LCORL: variants seen among roughly 807,000 people sequenced by gnomAD.
LCORL encodes the protein ligand dependent nuclear receptor corepressor like.
Under a neutral mutation model 141.8 loss-of-function variants are expected in LCORL, and 41 were observed. The ratio of observed to expected loss-of-function variants is 0.29; its 90% CI spans 0.23 to 0.38. LCORL has a LOEUF of 0.38. LCORL is among the 10% of genes least tolerant of loss of function. The pLI is 1.00. For missense variants in LCORL, 1,759 were observed against 2,035.0 expected (o/e 0.86, Z 2.61); for synonymous variants, 618 against 694.1 (o/e 0.89, Z 1.72).
chr4:17,968,619 A>C (rs1211132891), intron 2 of LCORL, among the ~76,000 whole-genome samples: 1 of 152,192 alleles, frequency 6.6e-6, no homozygotes, highest in Non-Finnish European at 1.5e-5. Flanking sequence ...TTTTCCATAA[A>C]CAGCCAAATA....
At chr4:17,869,263 T>C (rs1254247622) in intron 7 of LCORL, among the ~76,000 whole-genome samples, 1 of 152,134 alleles carries the variant, frequency 6.6e-6, no homozygotes, top group African/African-American at 2.4e-5. Context: ...AACCCCAGCT[T>C]AATCTAGCTA....
chr4:17,875,577 T>C, exon 7 of LCORL: 1 of 1,231,286 alleles, frequency 8.1e-7, no homozygotes, highest in East Asian at 3.2e-5. Flanking sequence ...TGTAATACTC[T>C]TTTTATAAAT....
At chr4:17,904,146 A>T (rs1731280028) in intron 5 of LCORL, among the ~76,000 whole-genome samples, 1 of 152,084 alleles carries the variant, frequency 6.6e-6, no homozygotes, top group Non-Finnish European at 1.5e-5. Context: ...ATTCACTCAG[A>T]GGCTGAATTA....
chr4:17,908,157 C>T (rs148381967), intron 5 of LCORL, among the ~76,000 whole-genome samples: 138 of 152,162 alleles, frequency 9.1e-4, no homozygotes, highest in African/African-American at 3.1e-3. Flanking sequence ...CTCAGCCTCT[C>T]GACTAGCTGG....
chr4:17,965,708 C>T (rs55775095), intron 2 of LCORL, among the ~76,000 whole-genome samples: 3 of 152,126 alleles, frequency 2.0e-5, no homozygotes, highest in Non-Finnish European at 4.4e-5. Flanking sequence ...ACTCATGTGG[C>T]CTCAGTCAGG....
chr4:17,932,896 T>C (rs531531976), intron 4 of LCORL, among the ~76,000 whole-genome samples: 3 of 152,318 alleles, frequency 2.0e-5, no homozygotes, highest in Middle Eastern at 3.4e-3. Flanking sequence ...ACAGTATTTC[T>C]TGAGTTCTTA....
intron 4 of LCORL, among the ~76,000 whole-genome samples, chr4:17,957,401 TAAAG>T (rs1326084454): frequency 2.6e-5 from 4 of 151,746 alleles, no homozygotes; most frequent in African/African-American, 9.7e-5. Context: ...ATTAGAGCAA[TAAAG>T]AAAGAGGAAC....
chr4:17,938,432 T>C (rs1416486796), intron 4 of LCORL, among the ~76,000 whole-genome samples: 2 of 150,948 alleles, frequency 1.3e-5, no homozygotes, highest in African/African-American at 4.9e-5. Context: ...TTTTTTTTTT[T>C]TGAGATGGAG....
exon 7 of LCORL, chr4:17,875,508 A>G (rs1577303264): frequency 8.1e-7 from 1 of 1,231,164 alleles, no homozygotes; most frequent in African/African-American, 1.6e-5. Context: ...GCTTATGTTT[A>G]CCCTTCCTTC....
chr4:17,982,634 A>G (rs1220847668), intron 1 of LCORL, among the ~76,000 whole-genome samples: 1 of 151,976 alleles, frequency 6.6e-6, no homozygotes, highest in Non-Finnish European at 1.5e-5. Context: ...TTTTTCTTGT[A>G]AATTTAAGTA....
chr4:17,915,326 T>C (rs1733224355), intron 4 of LCORL, among the ~76,000 whole-genome samples: 1 of 152,194 alleles, frequency 6.6e-6, no homozygotes, highest in African/African-American at 2.4e-5. Flanking sequence ...TCCTTGATTG[T>C]AGCCTCATGA....
Position 17,883,640 on chromosome 4 carries a change from A to G in LCORL, c.776+2428T>C, listed in dbSNP as rs545442585. The G allele has an allele frequency of 1.3e-5, 19 of 1,437,638 alleles. No individual in the cohort carries two copies. In the South Asian group the frequency reaches 2.6e-4, roughly 20 times the overall value. 89.1% of individuals were successfully genotyped at this position (1,437,638 alleles called of 1,614,324 possible). On this transcript the variant is annotated intron_variant, in intron 6 of 7. Coordinates refer to ENST00000635767, the Ensembl canonical transcript of LCORL. ...TTCCCACGTGTGTATATAGACACAC[A>G]AATACACACCTGTGCACATACACAC...
At chr4:17,936,507 A>G (rs1303939931) in intron 4 of LCORL, among the ~76,000 whole-genome samples, 1 of 152,194 alleles carries the variant, frequency 6.6e-6, no homozygotes, top group Non-Finnish European at 1.5e-5. Flanking sequence ...TCTCACCAAC[A>G]AAAACAATAA....
intron 7 of LCORL, among the ~76,000 whole-genome samples, chr4:17,847,691 T>A (rs1230887430): frequency 2.0e-5 from 3 of 152,144 alleles, no homozygotes; most frequent in Non-Finnish European, 2.9e-5. Context: ...TTAGAAAAAA[T>A]TTACATTATT....
At position 18,021,820 on chromosome 4, in the gene LCORL, T is replaced by A. The variant is rs1172898579; in HGVS notation, c.-69A>T. On this transcript the variant is annotated 5_prime_UTR_variant, in exon 1 of 8. Transcript: ENST00000635767. The surrounding 1 kb of genome is among the most constrained non-coding windows in gnomAD (Gnocchi z 5.5). The stretch of plus-strand genomic sequence containing the variant: ...AGGCACGAGGCAGGGGCGCGAGCCC[T>A]CGGCGCGAGCCCCGGAGCGCGCGCC... The A allele has an allele frequency of 7.7e-7, 1 of 1,301,738 alleles. No individual in the cohort carries two copies. Among genetic ancestry groups the A allele is most frequent in the Admixed American group, 3.5e-5 (1 of 28,300 alleles). 80.6% of individuals were successfully genotyped at this position (1,301,738 alleles called of 1,614,324 possible). A position where few individuals can be genotyped will look rare whatever the true frequency, so the allele number is the denominator to read the frequency against.
exon 7 of LCORL, chr4:17,873,895 T>G (rs1726640386): frequency 8.1e-7 from 1 of 1,234,070 alleles, no homozygotes; most frequent in East Asian, 3.2e-5. Flanking sequence ...TGGCTGCAAT[T>G]TGTTCCATTC....
intron 1 of LCORL, among the ~76,000 whole-genome samples, chr4:17,990,512 G>A (rs1184485978): frequency 2.0e-5 from 3 of 151,946 alleles, no homozygotes; most frequent in East Asian, 3.8e-4. Context: ...GTGAGGGAGT[G>A]GGGTGGGGTG....
intron 2 of LCORL, among the ~76,000 whole-genome samples, chr4:17,970,874 G>C (rs1715798228): frequency 6.6e-6 from 1 of 152,108 alleles, no homozygotes; most frequent in African/African-American, 2.4e-5. Context: ...ATACATATGA[G>C]AACCCAAATA....
intron 5 of LCORL, among the ~76,000 whole-genome samples, chr4:17,889,910 A>C (rs1015302639): frequency 6.6e-6 from 1 of 152,090 alleles, no homozygotes; most frequent in Non-Finnish European, 1.5e-5. Context: ...AACTCTTGGT[A>C]ACCTCTCCCA....
Sources: gnomAD v4.1 joint callset for allele counts (sites outside exome capture counted in the v4.1 genomes callset) on GRCh38, gnomAD v4.1.1 for gene constraint, Gnocchi (gnomAD v3.1) non-coding constraint, MANE v1.5 for transcripts, NCBI Gene and HGNC (gene_info 2026-07-23, HGNC 2026-07-21) for gene names.